TRAF3IP2: variants seen among roughly 807,000 people sequenced by gnomAD.
TRAF3IP2 encodes the protein E3 ubiquitin ligase TRAF3IP2.
A neutral mutation model predicts 57.9 loss-of-function variants in TRAF3IP2; 35 were observed. The observed-to-expected ratio is 0.60, with a 90% CI of 0.46 to 0.80. TRAF3IP2 has a LOEUF of 0.80. TRAF3IP2 is among the 30% of genes least tolerant of loss of function. The pLI, the probability that TRAF3IP2 is intolerant of heterozygous loss-of-function variation, is 0.00. For missense variants in TRAF3IP2, 556 were observed against 706.4 expected (o/e 0.79, Z 2.41); for synonymous variants, 251 against 268.9 (o/e 0.93, Z 0.65).
chr6:111,598,059 G>T (rs9487678), intron 1 of TRAF3IP2: 1 of 370,758 alleles, frequency 2.7e-6, no homozygotes, highest in South Asian at 2.0e-5. Flanking sequence ...GCAAATCCTG[G>T]GGGGAGAGCG....
chr6:111,581,316 T>C (rs1162820456), intron 2 of TRAF3IP2, among the ~76,000 whole-genome samples: 1 of 152,120 alleles, frequency 6.6e-6, no homozygotes, highest in Non-Finnish European at 1.5e-5. Flanking sequence ...GCAAGAGGAC[T>C]GAAGTGAGCC....
intron 4 of TRAF3IP2, among the ~76,000 whole-genome samples, chr6:111,575,035 A>G (rs1415369891): frequency 6.6e-6 from 1 of 152,116 alleles, no homozygotes; most frequent in Non-Finnish European, 1.5e-5. Context: ...CAGCCTGGGC[A>G]ACATGGCAAA....
At chr6:111,572,394 G>C (rs926817015) in intron 5 of TRAF3IP2, among the ~76,000 whole-genome samples, 1 of 152,148 alleles carries the variant, frequency 6.6e-6, no homozygotes, top group African/African-American at 2.4e-5. Context: ...ACTGCGTCAA[G>C]GTATGAAAAT....
At chr6:111,586,441 G>A (rs1192417548) in intron 2 of TRAF3IP2, among the ~76,000 whole-genome samples, 1 of 152,176 alleles carries the variant, frequency 6.6e-6, no homozygotes, top group African/African-American at 2.4e-5. Context: ...TTCAGTGGAA[G>A]GATTCGGAGG....
At chr6:111,604,959 G>T (rs1005640025) in intron 1 of TRAF3IP2, among the ~76,000 whole-genome samples, 2 of 152,096 alleles carry the variant, frequency 1.3e-5, no homozygotes, top group African/African-American at 4.8e-5. Context: ...TCAATTTACT[G>T]ATGAAGAAAT....
intron 8 of TRAF3IP2, among the ~76,000 whole-genome samples, chr6:111,561,885 C>T (rs192127879): frequency 1.3e-5 from 2 of 152,306 alleles, no homozygotes; most frequent in Middle Eastern, 3.4e-3. Context: ...CAGTAAGTGA[C>T]AGCAGTGAGA....
chr6:111,600,959 C>T (rs769811470), intron 1 of TRAF3IP2: 9 of 390,384 alleles, frequency 2.3e-5, no homozygotes, highest in South Asian at 1.9e-4. Flanking sequence ...ACTCATTTTA[C>T]AGACAGGAAA....
At chr6:111,585,378 C>T (rs1392569926) in intron 2 of TRAF3IP2, among the ~76,000 whole-genome samples, 1 of 151,374 alleles carries the variant, frequency 6.6e-6, no homozygotes, top group Non-Finnish European at 1.5e-5. Context: ...ATTACAAAGA[C>T]TCTACTCATG....
At position 111,595,298 on chromosome 6, in the gene TRAF3IP2, C is replaced by A. The variant is rs60626605; in HGVS notation, c.-8-3204G>T. Among the ~76,000 whole-genome samples the A allele has an allele frequency of 8.1e-3, 1,231 of 152,156 alleles. 15 individuals carry two copies. Among genetic ancestry groups the A allele is most frequent in the African/African-American group, 0.028 (1,169 of 41,498 alleles). Reference sequence around the variant, plus strand: ...GGCTTTTGAGTATTTAGTAAATAAACCTGGCATGGCAAGAAACAACTTCTA... The same window carrying A: ...GGCTTTTGAGTATTTAGTAAATAAAACTGGCATGGCAAGAAACAACTTCTA... On this transcript the variant is annotated intron_variant, in intron 1 of 8. Coordinates refer to ENST00000368761, the MANE Select transcript of TRAF3IP2 (RefSeq NM_147686.4).
In TRAF3IP2 at chr6:111,556,543, A is replaced by C. The variant is rs1795246240; in HGVS notation, c.*2862T>G. 1 of 152,096 alleles carries C rather than the reference A, an allele frequency of 6.6e-6. No individual in the cohort carries two copies. Among genetic ancestry groups the C allele is most frequent in the South Asian group, 2.1e-4 (1 of 4,822 alleles). 9.4% of individuals were successfully genotyped at this position (152,096 alleles called of 1,614,324 possible). On this transcript the variant is annotated 3_prime_UTR_variant, in exon 9 of 9. Transcript: ENST00000368761. ...AAGATAATGAAAAAAGAGAAAGAAG[A>C]CTTGAAGTTTGTGTTTGGGTGTTTT...
chr6:111,581,595 T>C (rs4947127), intron 2 of TRAF3IP2, among the ~76,000 whole-genome samples: 13 of 152,094 alleles, frequency 8.5e-5, no homozygotes, highest in Admixed American at 6.5e-4. Context: ...GATACATATA[T>C]GGATGTACAG....
At chr6:111,571,605 A>T (rs1188218627) in intron 5 of TRAF3IP2, among the ~76,000 whole-genome samples, 6 of 152,194 alleles carry the variant, frequency 3.9e-5, no homozygotes, top group African/African-American at 1.4e-4. Context: ...TGCATTTTTT[A>T]AAAAAGAACT....
At chr6:111,594,132 C>A (rs373014456) in intron 1 of TRAF3IP2, among the ~76,000 whole-genome samples, 67 of 123,992 alleles carry the variant, frequency 5.4e-4, no homozygotes, top group South Asian at 1.1e-3. Context: ...ACTCCATCTC[C>A]AAAAAAAAAA....
intron 2 of TRAF3IP2, among the ~76,000 whole-genome samples, chr6:111,582,579 C>T (rs1475039789): frequency 6.6e-6 from 1 of 152,108 alleles, no homozygotes; most frequent in Non-Finnish European, 1.5e-5. Context: ...TCCAGGGGGT[C>T]CAGATCACCA....
chr6:111,560,316 G>A (rs890699163), intron 8 of TRAF3IP2, among the ~76,000 whole-genome samples: 2 of 152,208 alleles, frequency 1.3e-5, no homozygotes, highest in African/African-American at 4.8e-5. Context: ...CGAAGGCCCT[G>A]TGGAGGGAGT....
chr6:111,559,505 G>A lies in TRAF3IP2; in HGVS notation c.1598C>T (p.Pro533Leu). The change falls in exon 9 of 9, where the codon CCC becomes CTC. Residue 533 changes from proline (P) to leucine (L), a missense_variant. Physicochemically the swap from Pro to Leu is moderately conservative, Grantham distance 98. Transcript: ENST00000368761. ...WLQNTHVYSWPKNKKNILLRL... is the reference protein window; with the variant it reads ...WLQNTHVYSWLKNKKNILLRL... Reference sequence around the variant, plus strand: ...CAGCAGGATGTTTTTTTTATTCTTGGGCCAGCTGTAGACATGAGTGTTCTG... The same window carrying A: ...CAGCAGGATGTTTTTTTTATTCTTGAGCCAGCTGTAGACATGAGTGTTCTG... 2 of 1,614,094 alleles carry A rather than the reference G, an allele frequency of 1.2e-6. No homozygotes were observed. Among genetic ancestry groups the A allele is most frequent in the Non-Finnish European group, 1.7e-6 (2 of 1,180,006 alleles).
intron 1 of TRAF3IP2, among the ~76,000 whole-genome samples, chr6:111,595,477 C>G (rs1297464367): frequency 6.6e-6 from 1 of 152,190 alleles, no homozygotes. Context: ...ATACGCCCAA[C>G]TGAAATAGTT....
chr6:111,563,669 G>C (rs781110459), intron 7 of TRAF3IP2, among the ~76,000 whole-genome samples: 1 of 152,250 alleles, frequency 6.6e-6, no homozygotes, highest in Non-Finnish European at 1.5e-5. Context: ...GTCAAGTAGG[G>C]AAAACAGAGG....
At chr6:111,565,513 C>T (rs1036890657) in intron 7 of TRAF3IP2, among the ~76,000 whole-genome samples, 2 of 152,126 alleles carry the variant, frequency 1.3e-5, no homozygotes, top group African/African-American at 2.4e-5. Flanking sequence ...GGGTGGGAGG[C>T]GCAGACCCAG....
Sources: allele counts gnomAD v4.1 joint callset (sites outside exome capture counted in the v4.1 genomes callset), GRCh38; gene constraint gnomAD v4.1.1; transcripts MANE v1.5; gene names NCBI Gene and HGNC (gene_info 2026-07-23, HGNC 2026-07-21).